Variants in REXO4 observed in about 807,000 individuals in gnomAD.
The protein encoded by REXO4 is RNA exonuclease 4.
Under a neutral mutation model 39.9 loss-of-function variants are expected in REXO4, and 29 were observed. That is an observed-to-expected ratio of 0.73 (90% CI 0.54 to 0.99). The LOEUF (loss-of-function observed/expected upper bound fraction) is 0.99. REXO4 is among the 50% of genes least tolerant of loss of function. REXO4 has a pLI of 0.00. For missense variants in REXO4, 524 were observed against 546.5 expected, an observed-to-expected ratio of 0.96 and a Z score of 0.41; for synonymous variants, 184 against 206.2, an observed-to-expected ratio of 0.89 and a Z score of 0.92.
intron 4 of REXO4, 34 bp downstream of exon 4, chr9:133,412,265 T>C (rs1480398911): frequency 1.9e-6 from 3 of 1,603,326 alleles, no homozygotes; most frequent in African/African-American, 1.3e-5. Context: ...GTTACTACTT[T>C]CCCTTCTAAG....
chr9:133,407,266 C>T (rs1838938781), intron 7 of REXO4, among the ~76,000 whole-genome samples, 194 bp from the exon 8 acceptor site: 1 of 152,074 alleles, frequency 6.6e-6, no homozygotes, highest in African/African-American at 2.4e-5. Flanking sequence ...CCTGATGGTC[C>T]CCACACTTCT....
Position 133,412,510 on chromosome 9 carries a change from G to A in REXO4, c.717-18C>T, listed in dbSNP as rs587731610. On this transcript the variant is annotated intron_variant, in intron 3 of 7. Coordinates refer to ENST00000371942, the MANE Select transcript of REXO4 (RefSeq NM_020385.4). Reference sequence around the variant, plus strand: ...TTGTCAGGCTGAAGGGTAACCAAAGGCTGTAGTTTAATAAACACGGCAGGC... The same window carrying A: ...TTGTCAGGCTGAAGGGTAACCAAAGACTGTAGTTTAATAAACACGGCAGGC... 8.7e-6 allele frequency: 14 copies of A among 1,612,920 alleles called. No homozygotes were observed. In the South Asian group the frequency reaches 1.3e-4, roughly 15 times the overall value.
At chr9:133,415,195 T>G (rs1302388128) in intron 1 of REXO4, among the ~76,000 whole-genome samples, 184 bp from the exon 2 acceptor site, 5 of 152,166 alleles carry the variant, frequency 3.3e-5, no homozygotes, top group Non-Finnish European at 7.4e-5. Context: ...TTCTCATGGG[T>G]CACTTGTGGT....
Position 133,406,561 on chromosome 9 carries a change from G to A in REXO4, c.*392C>T, listed in dbSNP as rs947736870. ...GTCCCCTAACACAAAGGAGGAAAAT[G>A]TGGCTCCTCGAGAGGAAGGTGCTGA... On this transcript the variant is annotated 3_prime_UTR_variant, in exon 8 of 8. Coordinates refer to ENST00000371942, the MANE Select transcript of REXO4 (RefSeq NM_020385.4). 2 of 230,834 alleles carry A rather than the reference G, an allele frequency of 8.7e-6. No individual in the cohort carries two copies. Among genetic ancestry groups the A allele is most frequent in the African/African-American group, 4.4e-5 (2 of 45,330 alleles). The allele number at this position is 230,834 out of a possible 1,614,324, so 14.3% of individuals were successfully genotyped here. A position where few individuals can be genotyped will look rare whatever the true frequency, so the allele number is the denominator to read the frequency against.
At chr9:133,408,953 T>A in intron 5 of REXO4, 111 bp from the exon 6 acceptor site, 1 of 493,472 alleles carries the variant, frequency 2.0e-6, no homozygotes, top group Non-Finnish European at 3.6e-6. Flanking sequence ...TGTGTGTGTG[T>A]GTGTGTGTGT....
chr9:133,408,985 T>TGTGTGA (rs1347123389), intron 5 of REXO4, 143 bp from the exon 6 acceptor site: 16 of 459,618 alleles, frequency 3.5e-5, no homozygotes, highest in African/African-American at 1.1e-4. Context: ...TGTGTGTGTG[T>TGTGTGA]GACGGAGTCT....
At position 133,414,857 on chromosome 9, in the gene REXO4, G is replaced by T. The variant is rs1249146260; in HGVS notation, c.380C>A (p.Ala127Asp). The T allele has an allele frequency of 1.2e-6, 2 of 1,614,016 alleles. No homozygotes were observed. The highest frequency in any genetic ancestry group is 2.7e-5 in the African/African-American group (2 of 74,882). Reference sequence around the variant, plus strand: ...ACCTGAAGGAACAGAGCCCCTGCTGGCCTCCTGGTCTTTTCCTGCCGGCAT... The same window carrying T: ...ACCTGAAGGAACAGAGCCCCTGCTGTCCTCCTGGTCTTTTCCTGCCGGCAT... ...EEMPAGKDQE[A>D]SRGSVPSGSK... The change falls in exon 2 of 8, where the codon GCC becomes GAC. Residue 127 changes from alanine to aspartate, a missense_variant. Physicochemically the swap from Ala to Asp is moderately radical, Grantham distance 126. Coordinates refer to ENST00000371942, the MANE Select transcript of REXO4 (RefSeq NM_020385.4).
In REXO4 at chr9:133,417,758, C is replaced by A. The variant is rs782685072; in HGVS notation, c.87G>T (p.Lys29Asn). The A allele has an allele frequency of 6.2e-7, 1 of 1,613,156 alleles. No homozygotes were observed. The highest frequency in any genetic ancestry group is 1.3e-5 in the African/African-American group (1 of 75,066). ...AAAACCTTTTTTTCTTCTTGTTTTT[C>A]TTCCGAGTGAGCGTCTTGACAGGAC... ...KPGPVKTLTR[K>N]KNKKKKRFWK... is the part of the protein sequence containing the mutation. The change falls in exon 1 of 8, where the codon AAG becomes AAT. Residue 29 changes from lysine (K) to asparagine (N), a missense_variant. Physicochemically the swap from Lys to Asn is moderately conservative, Grantham distance 94. Transcript: ENST00000371942.
At chr9:133,416,188 A>G (rs2130742854) in intron 1 of REXO4, among the ~76,000 whole-genome samples, 1 of 152,200 alleles carries the variant, frequency 6.6e-6, no homozygotes, top group East Asian at 1.9e-4. Flanking sequence ...TTGCGTGGTG[A>G]GAGAGCAAGC....
rs7030175 is a variant in REXO4 at position 133,408,938 on chromosome 9, G to A, written c.1000-96C>T. ...CACCTTTTGCAAGTAACATCTTTGT[G>A]TGTGTGTGTGTGTGTGTGTGTGTGT... On this transcript the variant is annotated intron_variant, in intron 5 of 7. Coordinates refer to ENST00000371942, the MANE Select transcript of REXO4 (RefSeq NM_020385.4). 1.5e-3 allele frequency: 284 copies of A among 188,754 alleles called. 1 individual carries two copies. In the East Asian group the frequency reaches 0.019, roughly 13 times the overall value. 11.7% of individuals were successfully genotyped at this position (188,754 alleles called of 1,614,324 possible).
rs148803403 is a variant in REXO4 at position 133,412,815 on chromosome 9, C to T, written c.679G>A (p.Val227Ile). The change falls in exon 3 of 8, where the codon GTC becomes ATC. Residue 227 changes from valine to isoleucine, a missense_variant. Transcript: ENST00000371942. The part of the protein sequence containing the change: ...RKQLGQSEGS[V>I]SLSLVKEQAF... Reference sequence around the variant, plus strand: ...TGCTCTTTCACGAGGCTGAGGCTGACGCTGCCCTCGCTCTGACCCAACTGT... The same window carrying T: ...TGCTCTTTCACGAGGCTGAGGCTGATGCTGCCCTCGCTCTGACCCAACTGT... The T allele has an allele frequency of 6.9e-5, 112 of 1,613,776 alleles. No individual in the cohort carries two copies. Among genetic ancestry groups the T allele is most frequent in the Non-Finnish European group, 8.5e-5 (100 of 1,180,042 alleles).
Position 133,414,710 on chromosome 9 carries a change from T to G in REXO4, c.527A>C (p.His176Pro). Residue 176 changes from histidine (H) to proline (P), a missense_variant, in exon 2 of 8, where the codon CAT becomes CCT. Transcript: ENST00000371942. ...DIVPERGDIE[H>P]KKRKAKEAAP... ...TGCCTCCTTAGCTTTCCGCTTCTTATGCTCGATGTCCCCTCGTTCTGGAAC... is the reference window on the plus strand; with the variant it reads ...TGCCTCCTTAGCTTTCCGCTTCTTAGGCTCGATGTCCCCTCGTTCTGGAAC... 1 of 1,614,144 alleles carries G rather than the reference T, an allele frequency of 6.2e-7. No homozygotes were observed. Among genetic ancestry groups the G allele is most frequent in the Non-Finnish European group, 8.5e-7 (1 of 1,179,994 alleles).
Position 133,417,906 on chromosome 9 carries a change from C to A in REXO4, c.-62G>T. 5 of 1,503,834 alleles carry A rather than the reference C, an allele frequency of 3.3e-6. No homozygotes were observed. The highest frequency in any genetic ancestry group is 2.0e-5 in the Admixed American group (1 of 49,032). The allele number at this position is 1,503,834 out of a possible 1,614,324, so 93.2% of individuals were successfully genotyped here. A position where few individuals can be genotyped will look rare whatever the true frequency, so the allele number is the denominator to read the frequency against. ...GAGACCCCGGCCTCCCCGGGCCCGGCGCCCTGGCAGCACAAGCGCCTGCCC... is the reference window on the plus strand; with the variant it reads ...GAGACCCCGGCCTCCCCGGGCCCGGAGCCCTGGCAGCACAAGCGCCTGCCC... On this transcript the variant is annotated 5_prime_UTR_variant, in exon 1 of 8. Transcript: ENST00000371942.
At chr9:133,411,429 T>C (rs1839207839) in intron 4 of REXO4, among the ~76,000 whole-genome samples, 1 of 152,200 alleles carries the variant, frequency 6.6e-6, no homozygotes. Flanking sequence ...CATGATTTAC[T>C]TGACAATTTC....
intron 1 of REXO4, 70 bp downstream of exon 1, chr9:133,417,550 G>T: frequency 6.6e-7 from 1 of 1,520,020 alleles, no homozygotes; most frequent in Non-Finnish European, 9.1e-7. Context: ...GGCTACCCAA[G>T]TCTTTCCCTC....
At chr9:133,416,628 T>G (rs1254307520) in intron 1 of REXO4, among the ~76,000 whole-genome samples, 2 of 151,762 alleles carry the variant, frequency 1.3e-5, no homozygotes, top group Non-Finnish European at 2.9e-5. Context: ...CGTGGAAGAG[T>G]GTCTAGGAGA....
intron 6 of REXO4, among the ~76,000 whole-genome samples, chr9:133,408,456 CT>C (rs1839029678): frequency 7.0e-6 from 1 of 142,718 alleles, no homozygotes; most frequent in Non-Finnish European, 1.5e-5. Flanking sequence ...AAGACCCTGT[CT>C]AAAAAAAAAA....
Position 133,417,859 on chromosome 9 carries a change from G to C in REXO4, c.-15C>G, listed in dbSNP as rs782083646. The C allele has an allele frequency of 1.2e-4, 190 of 1,594,714 alleles. No individual in the cohort carries two copies. Among genetic ancestry groups the C allele is most frequent in the Non-Finnish European group, 1.5e-4 (182 of 1,177,694 alleles). ...GCCTTCCCCATCCTGCTGCCGTCCAGCGCCTGGGCCGGCGGCCACCCGAGA... is the reference window on the plus strand; with the variant it reads ...GCCTTCCCCATCCTGCTGCCGTCCACCGCCTGGGCCGGCGGCCACCCGAGA... On this transcript the variant is annotated 5_prime_UTR_variant, in exon 1 of 8. Transcript: ENST00000371942.
In REXO4 at chr9:133,417,957, C is replaced by T. The variant is rs1192016472; in HGVS notation, c.-113G>A. 5.1e-6 allele frequency: 5 copies of T among 974,772 alleles called. No homozygotes were observed. The highest frequency in any genetic ancestry group is 7.4e-6 in the Non-Finnish European group (5 of 673,020). The allele number at this position is 974,772 out of a possible 1,614,324, so 60.4% of individuals were successfully genotyped here. A position where few individuals can be genotyped will look rare whatever the true frequency, so the allele number is the denominator to read the frequency against. The stretch of plus-strand genomic sequence containing the variant: ...AGGCCAGGCCGAAACACACCCACCG[C>T]AGGGACCCCGTCCAGGAAAAGACTC... On this transcript the variant is annotated 5_prime_UTR_variant, in exon 1 of 8. Coordinates refer to ENST00000371942, the MANE Select transcript of REXO4 (RefSeq NM_020385.4).
Sources: gnomAD v4.1 joint callset for allele counts (sites outside exome capture counted in the v4.1 genomes callset) on GRCh38, gnomAD v4.1.1 for gene constraint, MANE v1.5 for transcripts, NCBI Gene and HGNC (gene_info 2026-07-23, HGNC 2026-07-21) for gene names.